The following DGKG variants were observed in gnomAD, a reference collection of about 807,000 sequenced individuals.
The protein encoded by DGKG is DAG kinase gamma.
DGKG carries 78 observed loss-of-function variants against 105.3 expected under a neutral mutation model. The observed-to-expected ratio is 0.74, with a 90% confidence interval of 0.62 to 0.89. The LOEUF is 0.89. DGKG is among the 40% of genes least tolerant of loss of function. DGKG has a pLI of 0.00. For missense variants in DGKG, 958 were observed against 1,020.1 expected (o/e 0.94, Z 0.83); for synonymous variants, 346 against 367.1 (o/e 0.94, Z 0.66).
chr3:186,183,739 T>C (rs1185677338), intron 22 of DGKG, among the ~76,000 whole-genome samples: 1 of 152,036 alleles, frequency 6.6e-6, no homozygotes, highest in Non-Finnish European at 1.5e-5. Context: ...AGTTTCGCTC[T>C]TGTTGCCCAG....
chr3:186,360,772 G>A (rs551973210), intron 1 of DGKG, among the ~76,000 whole-genome samples: 1 of 152,314 alleles, frequency 6.6e-6, no homozygotes, highest in African/African-American at 2.4e-5. Flanking sequence ...ATCCAGACCA[G>A]AGGGGTCGTT....
At chr3:186,294,316 T>C (rs369152651) in intron 5 of DGKG, among the ~76,000 whole-genome samples, 24 of 152,292 alleles carry the variant, frequency 1.6e-4, no homozygotes, top group East Asian at 9.6e-4. Flanking sequence ...AGTGAATGAA[T>C]TGTATCTTCT....
At chr3:186,283,691 G>T (rs899356030) in intron 7 of DGKG, among the ~76,000 whole-genome samples, 11 of 152,228 alleles carry the variant, frequency 7.2e-5, no homozygotes, top group African/African-American at 2.7e-4. Flanking sequence ...TTAGAAGAGT[G>T]CCTGACATAA....
At chr3:186,299,841 T>TTTCCTTCCTTCCTTC (rs1446531456) in intron 3 of DGKG, among the ~76,000 whole-genome samples, 2 of 74,652 alleles carry the variant, frequency 2.7e-5, no homozygotes, top group African/African-American at 1.2e-4. Flanking sequence ...TTCTTTCTTT[T>TTTCCTTCCTTCCTTC]TTTTTTTTTT....
intron 1 of DGKG, among the ~76,000 whole-genome samples, chr3:186,323,835 G>A (rs988584820): frequency 6.6e-6 from 1 of 151,716 alleles, no homozygotes; most frequent in Admixed American, 6.6e-5. Flanking sequence ...TACTCAGGAG[G>A]CTGAGGCAGA....
At chr3:186,351,058 C>A (rs573545632) in intron 1 of DGKG, among the ~76,000 whole-genome samples, 1 of 152,120 alleles carries the variant, frequency 6.6e-6, no homozygotes, top group East Asian at 1.9e-4. Context: ...TGATGCTTTA[C>A]CTTTGGAGAT....
intron 20 of DGKG, among the ~76,000 whole-genome samples, chr3:186,228,337 T>C (rs1719954809): frequency 6.6e-6 from 1 of 152,164 alleles, no homozygotes; most frequent in Non-Finnish European, 1.5e-5. Context: ...TCTGGGTCTT[T>C]CTGACTAACA....
intron 1 of DGKG, among the ~76,000 whole-genome samples, chr3:186,322,628 T>G (rs1423043702): frequency 6.6e-6 from 1 of 152,126 alleles, no homozygotes; most frequent in African/African-American, 2.4e-5. Context: ...CTCAGCCCTC[T>G]TCTCACTCTA....
intron 20 of DGKG, among the ~76,000 whole-genome samples, chr3:186,212,942 T>G (rs937462887): frequency 2.0e-5 from 3 of 152,222 alleles, no homozygotes; most frequent in Non-Finnish European, 4.4e-5. Flanking sequence ...AGGAGCAGTC[T>G]TCAGAGGGAA....
rs184322859 is a variant in DGKG, at chr3:186,267,741, C to A, written c.1153G>T (p.Gly385Cys). The A allele has an allele frequency of 6.2e-7, 1 of 1,613,924 alleles. No individual in the cohort carries two copies. The highest frequency in any genetic ancestry group is 2.2e-5 in the East Asian group (1 of 44,866). ...RKCELSTLCD[G>C]GELRDHILLP... ...AAGATGTGGTCTCTGAGTTCCCCAC[C>A]GTCACACAACGTTGATAATTCACAT... The change falls in exon 13 of 25, where the codon GGT becomes TGT. Residue 385 changes from glycine to cysteine, a missense_variant. This residue lies in a region of DGKG where 643 missense variants were observed against 619.5 expected (regional missense o/e 1.04). Transcript: ENST00000265022.
intron 13 of DGKG, 77 bp from the exon 14 acceptor site, chr3:186,265,383 A>C: frequency 7.7e-7 from 1 of 1,306,230 alleles, no homozygotes; most frequent in Non-Finnish European, 1.1e-6. Context: ...ATGAAAAACA[A>C]ACGGCTGATA....
intron 20 of DGKG, among the ~76,000 whole-genome samples, chr3:186,230,035 G>A (rs1015712816): frequency 1.2e-3 from 183 of 152,276 alleles, no homozygotes; most frequent in African/African-American, 4.2e-3. Flanking sequence ...CGAGGCGGGC[G>A]GATCACGAGG....
rs553863311 is a variant in DGKG, at chr3:186,321,224, G to A, written c.-248-517C>T. Among the ~76,000 whole-genome samples, 20 of 152,312 alleles carry A rather than the reference G, an allele frequency of 1.3e-4. 1 individual carries two copies. Among genetic ancestry groups the A allele is most frequent in the South Asian group, 8.3e-4 (4 of 4,828 alleles). ...ATGGGCTGCTGGCCTCAATGAGGCC[G>A]GGAAATGGGGATGGATTCAAACAAA... On this transcript the variant is annotated intron_variant, in intron 1 of 24. Transcript: ENST00000265022.
intron 1 of DGKG, among the ~76,000 whole-genome samples, chr3:186,328,105 G>A (rs1725435745): frequency 6.6e-6 from 1 of 152,148 alleles, no homozygotes; most frequent in Non-Finnish European, 1.5e-5. Flanking sequence ...CCATGCCTTT[G>A]ATCTACTTGA....
intron 9 of DGKG, among the ~76,000 whole-genome samples, chr3:186,278,200 G>A (rs899146528): frequency 6.6e-6 from 1 of 151,666 alleles, no homozygotes; most frequent in Non-Finnish European, 1.5e-5. Flanking sequence ...GTCCAAAGTA[G>A]AACAGAAAAT....
chr3:186,345,506 A>G (rs1726286022), intron 1 of DGKG, among the ~76,000 whole-genome samples: 2 of 151,668 alleles, frequency 1.3e-5, no homozygotes, highest in African/African-American at 2.4e-5. Flanking sequence ...GTTTTCTTAG[A>G]CCCCCTTGAT....
At position 186,177,298 on chromosome 3, in the gene DGKG, A is replaced by G. The variant is rs181643962; in HGVS notation, c.2095+10904T>C. On this transcript the variant is annotated intron_variant, in intron 22 of 24. Transcript: ENST00000265022. ...TCCATCTTCCGGTCTTTGCTTTGCTACTTCTGGGTTTCAGTGCCCAGCCCA... is the reference window on the plus strand; with the variant it reads ...TCCATCTTCCGGTCTTTGCTTTGCTGCTTCTGGGTTTCAGTGCCCAGCCCA... 1.8e-3 allele frequency among the ~76,000 whole-genome samples: 267 copies of G among 152,238 alleles called. 2 individuals are homozygous for G. The highest frequency in any genetic ancestry group is 5.3e-3 in the African/African-American group (222 of 41,538).
intron 2 of DGKG, among the ~76,000 whole-genome samples, chr3:186,314,173 GCACACA>G (rs3221277): frequency 0.2 from 27,404 of 139,132 alleles, 2,813 homozygotes; most frequent in East Asian, 0.33. Context: ...ATACATATCT[GCACACA>G]CACACACACA....
intron 9 of DGKG, chr3:186,279,151 T>A (rs1018386477): frequency 2.0e-5 from 3 of 152,268 alleles, no homozygotes; most frequent in African/African-American, 7.2e-5. Context: ...TCTAGGTCTT[T>A]AAGGCCACCT....
Sources: allele counts gnomAD v4.1 joint callset (sites outside exome capture counted in the v4.1 genomes callset), GRCh38; gene constraint gnomAD v4.1.1; regional missense constraint gnomAD v4.1.1; transcripts MANE v1.5; gene names NCBI Gene and HGNC (gene_info 2026-07-23, HGNC 2026-07-21).